RIPOR3: variants seen among roughly 807,000 people sequenced by gnomAD.
RIPOR3 encodes the protein family with sequence similarity 65 member C.
In RIPOR3, 95 loss-of-function variants were observed where a neutral mutation model predicts 114.3. That is an observed-to-expected ratio of 0.83 (90% CI 0.70 to 0.99). The LOEUF (loss-of-function observed/expected upper bound fraction) is 0.99, where lower values mean the gene tolerates loss of function less well. Ranked by LOEUF, RIPOR3 falls within the 50% of genes least tolerant of loss-of-function variation. The pLI is 0.00. For synonymous variants in RIPOR3, 575 were observed against 543.8 expected, an observed-to-expected ratio of 1.06 and a Z score of -0.80; for missense variants, 1,252 against 1,266.9, an observed-to-expected ratio of 0.99 and a Z score of 0.18.
chr20:50,667,257 C>T (rs2086280336), intron 1 of RIPOR3, among the ~76,000 whole-genome samples: 1 of 148,390 alleles, frequency 6.7e-6, no homozygotes, highest in Non-Finnish European at 1.5e-5. Context: ...ATTTCAAAAT[C>T]GGGTTTCTGC....
At chr20:50,617,472 C>T (rs1054801279) in intron 3 of RIPOR3, among the ~76,000 whole-genome samples, 1 of 152,080 alleles carries the variant, frequency 6.6e-6, no homozygotes. Context: ...TCCACCTCTA[C>T]AGGATTTTGC....
Position 50,620,094 on chromosome 20 carries a change from G to A in RIPOR3, c.161C>T (p.Pro54Leu), listed in dbSNP as rs929007157. The change falls in exon 3 of 22, where the codon CCT becomes CTT. Residue 54 changes from proline (P) to leucine (L), a missense_variant. Pro to Leu is a moderately conservative substitution (Grantham distance 98). Transcript: ENST00000327979. ...GCCGTACATCTTGGAGGATTTTGCA[G>A]GCATTCGCGATCTCACGGAGTTCCT... ...INRNSVRSRMPAKSSKMYGTL... is the reference protein window; with the variant it reads ...INRNSVRSRMLAKSSKMYGTL... 1 of 1,614,026 alleles carries A rather than the reference G, an allele frequency of 6.2e-7. No individual in the cohort carries two copies. Among genetic ancestry groups the A allele is most frequent in the African/African-American group, 1.3e-5 (1 of 74,930 alleles).
chr20:50,594,081 C>T (rs1473494794), intron 17 of RIPOR3, among the ~76,000 whole-genome samples: 2 of 151,832 alleles, frequency 1.3e-5, no homozygotes, highest in East Asian at 3.9e-4. Context: ...CCAGCCTGGC[C>T]AATATGGCGA....
intron 1 of RIPOR3, among the ~76,000 whole-genome samples, chr20:50,633,980 C>CTTTTTTTTTTTTTTTTT (rs375758598): frequency 1.5e-5 from 2 of 131,034 alleles, no homozygotes; most frequent in Non-Finnish European, 1.6e-5. Flanking sequence ...TCTTTCTTTT[C>CTTTTTTTTTTTTTTTTT]TTTTTTTTTT....
At chr20:50,609,980 A>ACCACCCCTGCCTCACCTG (rs2083897788) in intron 6 of RIPOR3, among the ~76,000 whole-genome samples, 23 of 52,764 alleles carry the variant, frequency 4.4e-4, no homozygotes, top group Admixed American at 5.6e-4. Flanking sequence ...TGCCACCCCT[A>ACCACCCCTGCCTCACCTG]CCACCCCTGC....
chr20:50,642,607 G>A (rs529998422), intron 1 of RIPOR3, among the ~76,000 whole-genome samples: 1 of 149,330 alleles, frequency 6.7e-6, no homozygotes, highest in East Asian at 2.0e-4. Flanking sequence ...CTCCCCCCAT[G>A]AGGCCTTAGT....
chr20:50,597,326 A>G (rs2122928030), intron 14 of RIPOR3: 3 of 510,864 alleles, frequency 5.9e-6, no homozygotes, highest in Middle Eastern at 5.3e-4. Flanking sequence ...TAATACTAAA[A>G]GCTGGTTCCT....
chr20:50,665,330 C>T (rs2086148395), intron 1 of RIPOR3, among the ~76,000 whole-genome samples: 1 of 150,900 alleles, frequency 6.6e-6, no homozygotes, highest in Non-Finnish European at 1.5e-5. Context: ...GACTGTGGTC[C>T]CAGCTACTCA....
chr20:50,606,853 C>A (rs565168427), intron 11 of RIPOR3, among the ~76,000 whole-genome samples: 1 of 152,118 alleles, frequency 6.6e-6, no homozygotes, highest in Non-Finnish European at 1.5e-5. Context: ...CCTCAGCCTC[C>A]CAAGTAGCTG....
intron 1 of RIPOR3, among the ~76,000 whole-genome samples, chr20:50,656,719 C>T (rs527363853): frequency 7.2e-5 from 11 of 152,206 alleles, no homozygotes; most frequent in East Asian, 3.9e-4. Flanking sequence ...AGGCTGGTCT[C>T]GAACTCCTGA....
intron 1 of RIPOR3, among the ~76,000 whole-genome samples, chr20:50,648,439 C>T (rs749789216): frequency 6.6e-6 from 1 of 151,460 alleles, no homozygotes; most frequent in Non-Finnish European, 1.5e-5. Context: ...CAGGGCCATG[C>T]TCCCTCTAAA....
intron 15 of RIPOR3, 120 bp from the exon 16 acceptor site, chr20:50,595,624 CTGTCAT>C: frequency 7.2e-7 from 1 of 1,386,656 alleles, no homozygotes; most frequent in South Asian, 1.3e-5. Context: ...AGCTCCCTGA[CTGTCAT>C]TTGGGGATTC....
chr20:50,633,968 T>C (rs2084900487), intron 1 of RIPOR3, among the ~76,000 whole-genome samples: 1 of 144,720 alleles, frequency 6.9e-6, no homozygotes, highest in Non-Finnish European at 1.5e-5. Context: ...CTTTTCCTTC[T>C]TTCTTTCTTT....
At chr20:50,664,928 C>T (rs1458854703) in intron 1 of RIPOR3, among the ~76,000 whole-genome samples, 1 of 152,006 alleles carries the variant, frequency 6.6e-6, no homozygotes, top group Non-Finnish European at 1.5e-5. Flanking sequence ...ATGGCAAAAA[C>T]TTGTCTCTAC....
chr20:50,612,306 C>A (rs1315500313), intron 4 of RIPOR3, among the ~76,000 whole-genome samples: 1 of 151,990 alleles, frequency 6.6e-6, no homozygotes, highest in African/African-American at 2.4e-5. Flanking sequence ...AGCAACTCTG[C>A]CATCATAGTG....
intron 14 of RIPOR3, among the ~76,000 whole-genome samples, chr20:50,596,709 C>T (rs1039955030): frequency 2.6e-5 from 4 of 152,220 alleles, no homozygotes; most frequent in African/African-American, 9.6e-5. Flanking sequence ...CCCACTCAGC[C>T]ACTCAGGAAG....
At chr20:50,648,380 C>T (rs1381723053) in intron 1 of RIPOR3, among the ~76,000 whole-genome samples, 1 of 151,346 alleles carries the variant, frequency 6.6e-6, no homozygotes, top group Non-Finnish European at 1.5e-5. Flanking sequence ...ACAAGGGAAA[C>T]TTATTGTCTT....
At chr20:50,669,890 C>T (rs1004158473) in intron 1 of RIPOR3, among the ~76,000 whole-genome samples, 3 of 151,068 alleles carry the variant, frequency 2.0e-5, no homozygotes, top group African/African-American at 7.3e-5. Flanking sequence ...GGCGCAGTGG[C>T]TCATGCCTGT....
chr20:50,592,951 T>A (rs1190736321), intron 18 of RIPOR3, 84 bp downstream of exon 18: 1 of 1,520,096 alleles, frequency 6.6e-7, no homozygotes. Context: ...GATGTAGTGG[T>A]TCTGAATTAT....
Sources: allele counts gnomAD v4.1 joint callset (sites outside exome capture counted in the v4.1 genomes callset), GRCh38; gene constraint gnomAD v4.1.1; transcripts MANE v1.5; gene names NCBI Gene and HGNC (gene_info 2026-07-23, HGNC 2026-07-21).